The following ZNF516 variants were observed in gnomAD, a reference collection of about 807,000 sequenced individuals.
The protein encoded by ZNF516 is zinc finger protein 516.
Under a neutral mutation model 79.7 loss-of-function variants are expected in ZNF516, and 19 were observed. The ratio of observed to expected loss-of-function variants is 0.24; its 90% CI spans 0.17 to 0.35. The LOEUF (loss-of-function observed/expected upper bound fraction) is 0.35, where lower values mean the gene tolerates loss of function less well. ZNF516 is among the 10% of genes least tolerant of loss of function. The pLI is 1.00. For missense variants in ZNF516, 1,678 were observed against 1,679.5 expected (o/e 1.00, Z 0.02); for synonymous variants, 877 against 739.5 (o/e 1.19, Z -3.02).
intron 6 of ZNF516, among the ~76,000 whole-genome samples, chr18:76,369,431 A>T (rs142366797): frequency 5.8e-4 from 88 of 152,354 alleles, no homozygotes; most frequent in African/African-American, 2.0e-3. Context: ...AAAAACAAAA[A>T]CAAAAACCGA....
At chr18:76,399,744 G>A (rs1276915768) in intron 3 of ZNF516, among the ~76,000 whole-genome samples, 2 of 152,098 alleles carry the variant, frequency 1.3e-5, no homozygotes, top group African/African-American at 2.4e-5. Flanking sequence ...TGTATAAGTC[G>A]GGAAACACTC....
chr18:76,376,325 C>A (rs1470015081), intron 4 of ZNF516, among the ~76,000 whole-genome samples: 1 of 152,142 alleles, frequency 6.6e-6, no homozygotes, highest in Non-Finnish European at 1.5e-5. Context: ...TAATAATGCA[C>A]CTACTAACAG....
intron 3 of ZNF516, among the ~76,000 whole-genome samples, chr18:76,431,386 T>C (rs2075658690): frequency 6.6e-6 from 1 of 152,168 alleles, no homozygotes; most frequent in Non-Finnish European, 1.5e-5. Flanking sequence ...GCAAATCAAA[T>C]GGCAAGCCAC....
chr18:76,447,286 G>A (rs527409098), intron 2 of ZNF516, among the ~76,000 whole-genome samples: 6 of 152,308 alleles, frequency 3.9e-5, no homozygotes, highest in East Asian at 3.9e-4. Flanking sequence ...CTGGCACGAC[G>A]GGCTGTGCTT....
chr18:76,368,895 AT>A (rs1446019010), intron 6 of ZNF516, among the ~76,000 whole-genome samples: 17 of 152,196 alleles, frequency 1.1e-4, no homozygotes, highest in African/African-American at 3.9e-4. Context: ...CTTAGGTAGA[AT>A]TAATAGGCAG....
Position 76,476,975 on chromosome 18 carries a change from G to A in ZNF516, c.-271-13834C>T, listed in dbSNP as rs557144787. Among the ~76,000 whole-genome samples the A allele has an allele frequency of 2.0e-5, 3 of 152,192 alleles. No homozygotes were observed. In the East Asian group the frequency reaches 5.8e-4, roughly 29 times the overall value. On this transcript the variant is annotated intron_variant, in intron 1 of 6. Transcript: ENST00000443185. ...TTTGCAAAACTCTGAAAAGAATTTT[G>A]GGCTGGTCCACTAACAAACAGTCGT...
intron 3 of ZNF516, among the ~76,000 whole-genome samples, chr18:76,396,342 C>T (rs745582247): frequency 1.3e-5 from 2 of 152,148 alleles, no homozygotes; most frequent in Non-Finnish European, 2.9e-5. Context: ...CCATATATGG[C>T]GCGCAGGGTC....
intron 4 of ZNF516, among the ~76,000 whole-genome samples, chr18:76,376,948 C>T (rs573860143): frequency 6.6e-6 from 1 of 152,214 alleles, no homozygotes; most frequent in Non-Finnish European, 1.5e-5. Flanking sequence ...ACCACTCAGC[C>T]TTCTCTGCTT....
At chr18:76,491,335 G>A (rs1439989116) in intron 1 of ZNF516, among the ~76,000 whole-genome samples, 2 of 98,958 alleles carry the variant, frequency 2.0e-5, no homozygotes, top group Admixed American at 2.2e-4. Context: ...CCCCAACCCC[G>A]CGGCCTGCCC....
rs1427921082 is a variant in ZNF516, at chr18:76,362,552, T to C, written c.3438A>G (p.Arg1146=). ...TTSADAPKQG[R]DHSNTGTVQT... ...GGACGGTACCTGTGTTAGAATGGTC[T>C]CTCCCCTGGGTGAGAAAAAGGAAAG... Residue 1146 remains arginine, a synonymous_variant, in exon 7 of 7, where the codon AGA becomes AGG. Coordinates refer to ENST00000443185, the MANE Select transcript of ZNF516 (RefSeq NM_014643.4). The C allele has an allele frequency of 6.2e-7, 1 of 1,611,074 alleles. No homozygotes were observed. The highest frequency in any genetic ancestry group is 8.5e-7 in the Non-Finnish European group (1 of 1,177,552).
At chr18:76,390,983 C>G (rs2046343361) in intron 3 of ZNF516, among the ~76,000 whole-genome samples, 1 of 152,104 alleles carries the variant, frequency 6.6e-6, no homozygotes, top group Admixed American at 6.5e-5. Flanking sequence ...TCAGCTCACA[C>G]CCCACAGCGC....
In ZNF516 at chr18:76,441,478, G is replaced by A; in HGVS notation, c.1577C>T (p.Thr526Ile). ...ECFECGKIFR[T>I]YHQMVLHSRV... is the part of the protein sequence containing the mutation. The stretch of plus-strand genomic sequence containing the variant: ...TGAGTGCAGCACCATCTGATGATAG[G>A]TGCGGAAGATCTTGCCGCACTCGAA... The change falls in exon 3 of 7, where the codon ACC becomes ATC. Residue 526 changes from threonine to isoleucine, a missense_variant. By Grantham distance (89) the Thr-to-Ile change is moderately conservative. Coordinates refer to ENST00000443185, the MANE Select transcript of ZNF516 (RefSeq NM_014643.4). 4 of 1,602,610 alleles carry A rather than the reference G, an allele frequency of 2.5e-6. No individual in the cohort carries two copies. The highest frequency in any genetic ancestry group is 3.4e-6 in the Non-Finnish European group (4 of 1,175,940).
At chr18:76,435,875 G>A (rs1399140263) in intron 3 of ZNF516, among the ~76,000 whole-genome samples, 2 of 152,192 alleles carry the variant, frequency 1.3e-5, no homozygotes, top group African/African-American at 2.4e-5. Flanking sequence ...ATCCCACTCT[G>A]GTTTTGTTCT....
At chr18:76,424,910 A>G (rs1423808016) in intron 3 of ZNF516, among the ~76,000 whole-genome samples, 1 of 146,776 alleles carries the variant, frequency 6.8e-6, no homozygotes, top group African/African-American at 2.5e-5. Context: ...CCCCCATGAA[A>G]CACACATGCA....
intron 4 of ZNF516, among the ~76,000 whole-genome samples, chr18:76,373,714 C>T (rs185491420): frequency 4.2e-4 from 64 of 152,118 alleles, no homozygotes; most frequent in Middle Eastern, 3.4e-3. Flanking sequence ...CATGAGCACG[C>T]GTGCACACAC....
At chr18:76,496,365 T>C (rs1400588256), upstream of ZNF516, 5 of 1,289,476 alleles carry the variant, frequency 3.9e-6, no homozygotes, top group Middle Eastern at 2.1e-4. Flanking sequence ...TGGCTCCGCG[T>C]AGCAATCAGC....
intron 6 of ZNF516, among the ~76,000 whole-genome samples, chr18:76,366,475 C>T (rs891046331): frequency 3.9e-5 from 6 of 152,278 alleles, no homozygotes; most frequent in Non-Finnish European, 8.8e-5. Flanking sequence ...GAATAATTAA[C>T]GACAAGTCTC....
chr18:76,376,975 C>A (rs774652065), intron 4 of ZNF516, among the ~76,000 whole-genome samples: 24 of 152,178 alleles, frequency 1.6e-4, no homozygotes, highest in Non-Finnish European at 3.1e-4. Context: ...CCAAGAAACC[C>A]CACATCTCCA....
At chr18:76,481,117 G>GCTGA (rs2145782882) in intron 1 of ZNF516, among the ~76,000 whole-genome samples, 1 of 152,346 alleles carries the variant, frequency 6.6e-6, no homozygotes, top group South Asian at 2.1e-4. Context: ...CTGCACAGGA[G>GCTGA]CTGACCTAGG....
Sources: allele counts gnomAD v4.1 joint callset (sites outside exome capture counted in the v4.1 genomes callset), GRCh38; gene constraint gnomAD v4.1.1; transcripts MANE v1.5; gene names NCBI Gene and HGNC (gene_info 2026-07-23, HGNC 2026-07-21).